Variants in EPC2 observed in about 807,000 individuals in gnomAD.
EPC2 encodes enhancer of polycomb 2, also known as enhancer of polycomb homolog 2.
EPC2 carries 14 observed loss-of-function variants against 92.1 expected under a neutral mutation model. The observed-to-expected ratio is 0.15, with a 90% CI of 0.10 to 0.24. The LOEUF (loss-of-function observed/expected upper bound fraction) is 0.24. Among genes scored for constraint, EPC2 ranks in the 10% least tolerant of loss-of-function variants. The pLI is 1.00. For synonymous variants in EPC2, 340 were observed against 334.7 expected, an observed-to-expected ratio of 1.02 and a Z score of -0.17; for missense variants, 755 against 971.5, an observed-to-expected ratio of 0.78 and a Z score of 2.96.
At chr2:148,668,756 G>C (rs948323947) in intron 1 of EPC2, among the ~76,000 whole-genome samples, 1 of 151,990 alleles carries the variant, frequency 6.6e-6, no homozygotes, top group Non-Finnish European at 1.5e-5. Context: ...TGTGATATTG[G>C]TCATTTGTGT....
intron 10 of EPC2, among the ~76,000 whole-genome samples, chr2:148,778,448 C>T (rs921303671): frequency 8.5e-5 from 13 of 152,104 alleles, no homozygotes; most frequent in African/African-American, 3.1e-4. Flanking sequence ...TGTAAGAAAT[C>T]TCTTATGAAT....
chr2:148,715,382 T>C (rs1452877853), intron 2 of EPC2, among the ~76,000 whole-genome samples: 2 of 152,196 alleles, frequency 1.3e-5, no homozygotes, highest in Non-Finnish European at 2.9e-5. Flanking sequence ...TCTTTAATCA[T>C]CTTGAATTGA....
chr2:148,655,213 T>A (rs997651500), intron 1 of EPC2, among the ~76,000 whole-genome samples: 99 of 152,318 alleles, frequency 6.5e-4, no homozygotes, highest in African/African-American at 2.2e-3. Flanking sequence ...ACTTTCTAGT[T>A]GGAATAACCC....
At chr2:148,761,392 C>T (rs76475297) in intron 4 of EPC2, among the ~76,000 whole-genome samples, 3,833 of 152,268 alleles carry the variant, frequency 0.025, 57 homozygotes, top group East Asian at 0.031. Flanking sequence ...TGAGGGGACT[C>T]ATTTTGACTG....
chr2:148,734,106 T>C (rs1682703075), intron 2 of EPC2, among the ~76,000 whole-genome samples: 1 of 152,194 alleles, frequency 6.6e-6, no homozygotes, highest in Non-Finnish European at 1.5e-5. Flanking sequence ...TGCTTTAAAT[T>C]AGAATTTTAT....
chr2:148,651,346 C>T (rs1680678120), intron 1 of EPC2, among the ~76,000 whole-genome samples: 1 of 152,120 alleles, frequency 6.6e-6, no homozygotes, highest in African/African-American at 2.4e-5. Flanking sequence ...ATATCATTCC[C>T]CTGTTTTCGT....
At chr2:148,663,591 G>GT (rs1680991692) in intron 1 of EPC2, among the ~76,000 whole-genome samples, 9 of 97,884 alleles carry the variant, frequency 9.2e-5, no homozygotes, top group African/African-American at 3.3e-4. Flanking sequence ...TATAGATTAA[G>GT]ATTTTTTTTT....
intron 2 of EPC2, 118 bp downstream of exon 2, chr2:148,690,491 AT>A (rs1461126387): frequency 1.1e-6 from 1 of 888,826 alleles, no homozygotes; most frequent in Non-Finnish European, 1.7e-6. Context: ...ATTAATAGAT[AT>A]GTTAAACATT....
intron 1 of EPC2, among the ~76,000 whole-genome samples, chr2:148,652,090 GAGAT>G (rs1559138077): frequency 6.6e-6 from 1 of 152,122 alleles, no homozygotes; most frequent in Non-Finnish European, 1.5e-5. Flanking sequence ...CCAGATTCTT[GAGAT>G]AGAGAGCGTT....
intron 7 of EPC2, 71 bp downstream of exon 7, chr2:148,765,217 G>A (rs758635636): frequency 3.4e-5 from 39 of 1,136,610 alleles, no homozygotes; most frequent in Non-Finnish European, 4.7e-5. Context: ...TAAAACAATT[G>A]CTATCTTAGA....
chr2:148,771,897 C>G (rs548093514), intron 10 of EPC2, among the ~76,000 whole-genome samples: 19 of 151,944 alleles, frequency 1.3e-4, no homozygotes, highest in African/African-American at 3.9e-4. Flanking sequence ...CTCCCGGGTT[C>G]AAGCGATTCT....
chr2:148,686,484 TTC>T (rs1295558635), intron 1 of EPC2, among the ~76,000 whole-genome samples: 1 of 152,330 alleles, frequency 6.6e-6, no homozygotes, highest in South Asian at 2.1e-4. Context: ...TTTGACCTCT[TTC>T]TATGAATCAT....
intron 3 of EPC2, among the ~76,000 whole-genome samples, chr2:148,753,103 G>A (rs1244320471): frequency 6.6e-6 from 1 of 152,098 alleles, no homozygotes. Flanking sequence ...TGCTAAAGCC[G>A]ATTGTCTTAT....
intron 2 of EPC2, chr2:148,692,533 A>G (rs866449837): frequency 6.6e-6 from 1 of 152,230 alleles, no homozygotes; most frequent in African/African-American, 2.4e-5. Flanking sequence ...GAAATAGTCT[A>G]GAGAAACACA....
intron 11 of EPC2, among the ~76,000 whole-genome samples, chr2:148,782,465 A>C (rs1055305848): frequency 6.6e-6 from 1 of 152,072 alleles, no homozygotes; most frequent in Non-Finnish European, 1.5e-5. Flanking sequence ...TGAACCCTGA[A>C]GGTGGAGGTT....
chr2:148,669,719 T>A (rs970092264), intron 1 of EPC2, among the ~76,000 whole-genome samples: 11 of 152,174 alleles, frequency 7.2e-5, no homozygotes, highest in African/African-American at 2.4e-4. Flanking sequence ...ATTTGTAAAG[T>A]TACTTGTAAA....
chr2:148,733,924 C>G (rs1263810358), intron 2 of EPC2, among the ~76,000 whole-genome samples: 1 of 152,144 alleles, frequency 6.6e-6, no homozygotes, highest in East Asian at 1.9e-4. Flanking sequence ...TTTGCCATTC[C>G]TTGGGCTAGA....
intron 1 of EPC2, among the ~76,000 whole-genome samples, chr2:148,672,410 T>C (rs1234846436): frequency 5.9e-5 from 9 of 152,224 alleles, no homozygotes; most frequent in Admixed American, 5.9e-4. Flanking sequence ...ATTCATCTAC[T>C]CTATCTCTCA....
At position 148,772,966 on chromosome 2, in the gene EPC2, A is replaced by G. The variant is rs887562450; in HGVS notation, c.1720+1579A>G. The stretch of plus-strand genomic sequence containing the variant: ...GAGGCATTTATAATTACATTTGACC[A>G]TAGGCTGATTGTCTTCTCTGCTGAT... On this transcript the variant is annotated intron_variant, in intron 10 of 13. Transcript: ENST00000258484. Among the ~76,000 whole-genome samples, 5 of 152,160 alleles carry G rather than the reference A, an allele frequency of 3.3e-5. No individual in the cohort carries two copies. The South Asian group carries it at 8.3e-4, about 25-fold the overall frequency.
Sources: allele counts gnomAD v4.1 joint callset (sites outside exome capture counted in the v4.1 genomes callset), GRCh38; gene constraint gnomAD v4.1.1; transcripts MANE v1.5; gene names NCBI Gene and HGNC (gene_info 2026-07-23, HGNC 2026-07-21).